PACS1: variants seen among roughly 807,000 people sequenced by gnomAD.
PACS1 encodes phosphofurin acidic cluster sorting protein 1.
PACS1 carries 24 observed loss-of-function variants against 115.0 expected under a neutral mutation model. The observed-to-expected ratio is 0.21, with a 90% CI of 0.15 to 0.29. PACS1 has a LOEUF of 0.29. Ranked by LOEUF, PACS1 falls within the 10% of genes least tolerant of loss-of-function variation. PACS1 has a pLI of 1.00. For synonymous variants in PACS1, 453 were observed against 504.5 expected (o/e 0.90, Z 1.37); for missense variants, 838 against 1,251.2 (o/e 0.67, Z 4.98).
intron 2 of PACS1, among the ~76,000 whole-genome samples, chr11:66,195,412 G>T (rs4930344): frequency 0.25 from 38,486 of 151,930 alleles, 5,808 homozygotes; most frequent in South Asian, 0.46. Context: ...CCCGATTTTG[G>T]TCCCCATTTC....
chr11:66,178,401 C>A (rs1859923217), intron 1 of PACS1, among the ~76,000 whole-genome samples: 1 of 152,146 alleles, frequency 6.6e-6, no homozygotes, highest in Non-Finnish European at 1.5e-5. Flanking sequence ...CTTTCCTTTT[C>A]ACTGCTATGT....
chr11:66,083,130 C>T (rs145755919), intron 1 of PACS1, among the ~76,000 whole-genome samples: 2 of 152,188 alleles, frequency 1.3e-5, no homozygotes, highest in Admixed American at 6.5e-5. Flanking sequence ...TAGTTGACAG[C>T]ATTCTGTCAT....
rs72934628 is a variant in PACS1, at chr11:66,095,944, T to A, written c.356+25102T>A. Among the ~76,000 whole-genome samples, 1,206 of 151,882 alleles carry A rather than the reference T, an allele frequency of 7.9e-3. 7 individuals carry two copies. Among genetic ancestry groups the A allele is most frequent in the Non-Finnish European group, 0.011 (778 of 67,922 alleles). On this transcript the variant is annotated intron_variant, in intron 1 of 23. Coordinates refer to ENST00000320580, the MANE Select transcript of PACS1 (RefSeq NM_018026.4). ...TTTGTAATTTCTTCTTTTTTTTTTT[T>A]AAATTTTTGAGATAGAGTCTCACTC... is the stretch of plus-strand genomic sequence containing the variant.
chr11:66,074,011 T>C (rs539928823), intron 1 of PACS1, among the ~76,000 whole-genome samples: 1 of 146,164 alleles, frequency 6.8e-6, no homozygotes, highest in South Asian at 2.3e-4. Context: ...TCCTCCTACC[T>C]CGGACTCCCA....
At chr11:66,170,362 C>G (rs1009046029) in intron 1 of PACS1, among the ~76,000 whole-genome samples, 2 of 150,376 alleles carry the variant, frequency 1.3e-5, no homozygotes, top group Admixed American at 1.3e-4. Context: ...CATATAACTA[C>G]TTAAAGCTGT....
At chr11:66,149,758 CT>C (rs1215958615) in intron 1 of PACS1, among the ~76,000 whole-genome samples, 2 of 151,128 alleles carry the variant, frequency 1.3e-5, no homozygotes, top group African/African-American at 4.9e-5. Context: ...CAAAACTGAT[CT>C]TTTTTTTGAG....
intron 1 of PACS1, among the ~76,000 whole-genome samples, chr11:66,088,269 A>C (rs1857605780): frequency 6.6e-6 from 1 of 152,088 alleles, no homozygotes; most frequent in Non-Finnish European, 1.5e-5. Flanking sequence ...CTTATAATTC[A>C]ATTTATCAAT....
intron 1 of PACS1, among the ~76,000 whole-genome samples, chr11:66,073,152 C>T (rs981291736): frequency 1.3e-5 from 2 of 152,224 alleles, no homozygotes; most frequent in East Asian, 3.8e-4. Context: ...TACCTCCTCA[C>T]TCCTTGTGGA....
chr11:66,098,374 C>G (rs1857834211), intron 1 of PACS1, among the ~76,000 whole-genome samples: 1 of 151,984 alleles, frequency 6.6e-6, no homozygotes, highest in South Asian at 2.1e-4. Context: ...GAGGAACTTG[C>G]ACATTCCTCT....
intron 2 of PACS1, among the ~76,000 whole-genome samples, chr11:66,197,873 G>C (rs1483950411): frequency 6.6e-6 from 1 of 152,192 alleles, no homozygotes; most frequent in African/African-American, 2.4e-5. Flanking sequence ...TTTTCCAACT[G>C]TATATCACTT....
intron 1 of PACS1, among the ~76,000 whole-genome samples, chr11:66,178,899 T>C (rs61890290): frequency 0.12 from 18,036 of 152,190 alleles, 1,565 homozygotes; most frequent in Admixed American, 0.25. Context: ...GCACATCTTC[T>C]GAAAGGGTTT....
chr11:66,204,693 G>C (rs1854892248), intron 2 of PACS1, among the ~76,000 whole-genome samples: 1 of 152,122 alleles, frequency 6.6e-6, no homozygotes, highest in Admixed American at 6.5e-5. Flanking sequence ...AATGAAATAA[G>C]CCAGGTACAG....
intron 2 of PACS1, among the ~76,000 whole-genome samples, chr11:66,202,721 T>A (rs1332327216): frequency 8.2e-5 from 2 of 24,380 alleles, no homozygotes; most frequent in Non-Finnish European, 6.8e-5. Flanking sequence ...AAACCTCATC[T>A]CTAGGAAAAA....
intron 1 of PACS1, among the ~76,000 whole-genome samples, chr11:66,179,495 C>T (rs936578262): frequency 6.6e-6 from 1 of 152,068 alleles, no homozygotes; most frequent in Non-Finnish European, 1.5e-5. Flanking sequence ...TCCTAGATTT[C>T]TTTGGGAGCT....
intron 1 of PACS1, among the ~76,000 whole-genome samples, chr11:66,090,271 C>CTTTTTTTT (rs930565654): frequency 9.1e-6 from 1 of 109,438 alleles, no homozygotes; most frequent in Non-Finnish European, 1.8e-5. Flanking sequence ...TCTTTCCTTT[C>CTTTTTTTT]TTTTTTTTTT....
chr11:66,130,050 A>T (rs1858667165), intron 1 of PACS1, among the ~76,000 whole-genome samples: 1 of 152,224 alleles, frequency 6.6e-6, no homozygotes, highest in Non-Finnish European at 1.5e-5. Flanking sequence ...TCAGCCAGTC[A>T]GCATTTATTG....
At chr11:66,190,313 T>C (rs1854486807) in intron 1 of PACS1, among the ~76,000 whole-genome samples, 1 of 152,224 alleles carries the variant, frequency 6.6e-6, no homozygotes, top group East Asian at 1.9e-4. Flanking sequence ...GTCTTTTCCA[T>C]TGGCTCATCC....
chr11:66,133,030 A>T (rs1858738118), intron 1 of PACS1, among the ~76,000 whole-genome samples: 1 of 152,152 alleles, frequency 6.6e-6, no homozygotes, highest in African/African-American at 2.4e-5. Context: ...CCGACTGTAA[A>T]TGGTGCTGCC....
At chr11:66,231,794 C>G in intron 13 of PACS1, 1 of 231,868 alleles carries the variant, frequency 4.3e-6, no homozygotes, top group Admixed American at 5.1e-5. Flanking sequence ...GCCCTCGTTT[C>G]TGTTTCTCTG....
Sources: allele counts gnomAD v4.1 joint callset (sites outside exome capture counted in the v4.1 genomes callset), GRCh38; gene constraint gnomAD v4.1.1; transcripts MANE v1.5; gene names NCBI Gene and HGNC (gene_info 2026-07-23, HGNC 2026-07-21).